Variants in RNF217 observed in about 807,000 individuals in gnomAD.
RNF217 encodes ring finger protein 217, also known as E3 ubiquitin-protein ligase RNF217.
A neutral mutation model predicts 57.8 loss-of-function variants in RNF217; 31 were observed. The ratio of observed to expected loss-of-function variants is 0.54; its 90% CI spans 0.40 to 0.72. The LOEUF (loss-of-function observed/expected upper bound fraction) is 0.72. Among genes scored for constraint, RNF217 ranks in the 30% least tolerant of loss-of-function variants. RNF217 has a pLI of 0.00. For missense variants in RNF217, 696 were observed against 708.3 expected, an observed-to-expected ratio of 0.98 and a Z score of 0.20; for synonymous variants, 313 against 294.0, an observed-to-expected ratio of 1.06 and a Z score of -0.66.
chr6:125,046,075 C>T (rs1787087184), intron 2 of RNF217, among the ~76,000 whole-genome samples: 1 of 152,000 alleles, frequency 6.6e-6, no homozygotes, highest in African/African-American at 2.4e-5. Flanking sequence ...TCTAGGATGT[C>T]AGGAATGGCT....
intron 3 of RNF217, among the ~76,000 whole-genome samples, chr6:125,059,718 C>A (rs977523713): frequency 2.6e-5 from 4 of 152,118 alleles, no homozygotes; most frequent in Non-Finnish European, 5.9e-5. Flanking sequence ...GAAAAAGAAG[C>A]CGACCATGGG....
chr6:124,981,438 A>T (rs1784156366), intron 1 of RNF217, among the ~76,000 whole-genome samples: 1 of 152,214 alleles, frequency 6.6e-6, no homozygotes, highest in Admixed American at 6.5e-5. Context: ...GACATCAATC[A>T]GTATGTGACC....
At chr6:125,064,234 C>T (rs145723877) in intron 3 of RNF217, among the ~76,000 whole-genome samples, 1 of 152,286 alleles carries the variant, frequency 6.6e-6, no homozygotes, top group East Asian at 1.9e-4. Context: ...TCCCTAACTA[C>T]TGATAAACCA....
intron 1 of RNF217, among the ~76,000 whole-genome samples, chr6:125,002,251 A>C (rs1422642832): frequency 6.6e-6 from 1 of 152,098 alleles, no homozygotes; most frequent in African/African-American, 2.4e-5. Flanking sequence ...GTGGCTGCTG[A>C]GGAATTTAGC....
intron 2 of RNF217, among the ~76,000 whole-genome samples, chr6:125,045,868 A>T (rs1787078142): frequency 6.6e-6 from 1 of 152,080 alleles, no homozygotes; most frequent in Non-Finnish European, 1.5e-5. Context: ...TTATTCAGCA[A>T]ATACAGAATG....
At chr6:125,054,856 G>T (rs368166513) in intron 2 of RNF217, among the ~76,000 whole-genome samples, 2 of 152,128 alleles carry the variant, frequency 1.3e-5, no homozygotes, top group African/African-American at 4.8e-5. Context: ...TGATGCTGAT[G>T]TTTCTGGCCC....
rs112047604 is a variant in RNF217 at position 125,086,238 on chromosome 6, G to A, written c.*3301G>A. The A allele has an allele frequency of 2.6e-4, 40 of 152,004 alleles. No homozygotes were observed. The highest frequency in any genetic ancestry group is 3.4e-3 in the Middle Eastern group (1 of 294). 9.4% of individuals were successfully genotyped at this position (152,004 alleles called of 1,614,324 possible). ...GAGTGCATAATTTTTAAAGAAAATCGTCTTTTGAAGGGTAATTTCCTTTCT... is the reference window on the plus strand; with the variant it reads ...GAGTGCATAATTTTTAAAGAAAATCATCTTTTGAAGGGTAATTTCCTTTCT... On this transcript the variant is annotated 3_prime_UTR_variant, in exon 6 of 6. Transcript: ENST00000521654.
chr6:124,999,675 T>A (rs923972507), intron 1 of RNF217, among the ~76,000 whole-genome samples: 1 of 152,168 alleles, frequency 6.6e-6, no homozygotes, highest in Non-Finnish European at 1.5e-5. Flanking sequence ...AATAAAATGA[T>A]GAAAACTGCT....
At chr6:124,989,743 G>A (rs1199150619) in intron 1 of RNF217, among the ~76,000 whole-genome samples, 1 of 151,838 alleles carries the variant, frequency 6.6e-6, no homozygotes, top group Non-Finnish European at 1.5e-5. Flanking sequence ...GTACCAAACA[G>A]GCAGCAGGTT....
At chr6:125,076,972 G>C in intron 4 of RNF217, 114 bp downstream of exon 4, 1 of 891,668 alleles carries the variant, frequency 1.1e-6, no homozygotes, top group Non-Finnish European at 1.8e-6. Flanking sequence ...CCAGTGTTCA[G>C]AGGAGGATAT....
rs569569926 is a variant in RNF217, at chr6:125,047,481, A to G, written c.1116+2037A>G. On this transcript the variant is annotated intron_variant, in intron 2 of 5. Coordinates refer to ENST00000521654, the MANE Select transcript of RNF217 (RefSeq NM_001286398.3). ...GTGTAATTTTGAGCGAGCCCATGGT[A>G]TTCTGATAACATTTCCCAGAGGTCA... Among the ~76,000 whole-genome samples the G allele has an allele frequency of 4.1e-3, 625 of 152,204 alleles. 5 individuals carry two copies. Among genetic ancestry groups the G allele is most frequent in the Non-Finnish European group, 5.6e-3 (379 of 67,980 alleles).
intron 1 of RNF217, among the ~76,000 whole-genome samples, chr6:125,036,450 G>A (rs1786621567): frequency 6.6e-6 from 1 of 152,122 alleles, no homozygotes; most frequent in Non-Finnish European, 1.5e-5. Context: ...CCAGTAATGG[G>A]ATTTCTGGGT....
At chr6:124,977,352 A>G (rs1405638392) in intron 1 of RNF217, among the ~76,000 whole-genome samples, 1 of 152,210 alleles carries the variant, frequency 6.6e-6, no homozygotes, top group Admixed American at 6.5e-5. Flanking sequence ...GTGTCTTTTC[A>G]GTTACAATAA....
intron 1 of RNF217, among the ~76,000 whole-genome samples, chr6:124,983,733 G>A (rs1784261374): frequency 6.6e-6 from 1 of 152,086 alleles, no homozygotes; most frequent in East Asian, 1.9e-4. Context: ...AGATGATTTG[G>A]GTTTAATCTT....
At chr6:125,043,421 C>CCATTT (rs1786964076) in intron 1 of RNF217, among the ~76,000 whole-genome samples, 1 of 151,946 alleles carries the variant, frequency 6.6e-6, no homozygotes, top group African/African-American at 2.4e-5. Context: ...TATACTTCTC[C>CCATTT]TGAAAACCTG....
intron 1 of RNF217, among the ~76,000 whole-genome samples, chr6:124,976,922 A>G (rs1783986083): frequency 6.6e-6 from 1 of 152,222 alleles, no homozygotes; most frequent in Non-Finnish European, 1.5e-5. Context: ...GATGAAGGGA[A>G]AGCTTAGAAG....
intron 1 of RNF217, among the ~76,000 whole-genome samples, chr6:124,988,888 A>G (rs1314134198): frequency 1.3e-5 from 2 of 152,240 alleles, no homozygotes; most frequent in South Asian, 2.1e-4. Context: ...GTCAGTTGAC[A>G]TGTAAAGAGC....
chr6:124,991,955 A>G (rs1784576694), intron 1 of RNF217, among the ~76,000 whole-genome samples: 1 of 152,186 alleles, frequency 6.6e-6, no homozygotes, highest in African/African-American at 2.4e-5. Context: ...CCCCAAGGTC[A>G]TACAGGTCAT....
chr6:125,031,994 T>C (rs1786381477), intron 1 of RNF217, among the ~76,000 whole-genome samples: 1 of 152,082 alleles, frequency 6.6e-6, no homozygotes, highest in Admixed American at 6.6e-5. Flanking sequence ...AGGCACTCCT[T>C]ACATGGCAGC....
Sources: allele counts gnomAD v4.1 joint callset (sites outside exome capture counted in the v4.1 genomes callset), GRCh38; gene constraint gnomAD v4.1.1; transcripts MANE v1.5; gene names NCBI Gene and HGNC (gene_info 2026-07-23, HGNC 2026-07-21).